FKBP5: variants seen among roughly 807,000 people sequenced by gnomAD.
FKBP5 encodes the protein FKBP prolyl isomerase 5.
In FKBP5, 23 loss-of-function variants were observed where a neutral mutation model predicts 50.5. That is an observed-to-expected ratio of 0.46 (90% CI 0.33 to 0.65). FKBP5 has a LOEUF of 0.65. Among genes scored for constraint, FKBP5 ranks in the 30% least tolerant of loss-of-function variants. The probability of loss-of-function intolerance (pLI) is 0.02; values close to 1 mark genes in which losing one functional copy is unlikely to be tolerated. For missense variants in FKBP5, 411 were observed against 553.1 expected (o/e 0.74, Z 2.58); for synonymous variants, 176 against 190.6 (o/e 0.92, Z 0.63).
intron 3 of FKBP5, among the ~76,000 whole-genome samples, chr6:35,622,131 C>A (rs1289157692): frequency 1.3e-5 from 2 of 152,156 alleles, no homozygotes; most frequent in African/African-American, 4.8e-5. Context: ...GATAGATAAA[C>A]CATTTTTTAT....
At chr6:35,622,820 T>C (rs1326271394) in intron 3 of FKBP5, among the ~76,000 whole-genome samples, 1 of 152,222 alleles carries the variant, frequency 6.6e-6, no homozygotes, top group Non-Finnish European at 1.5e-5. Context: ...TACCTGGATT[T>C]GAATACCAAG....
chr6:35,658,381 CAAAA>C (rs777064065), intron 1 of FKBP5, among the ~76,000 whole-genome samples: 1 of 103,940 alleles, frequency 9.6e-6, no homozygotes, highest in African/African-American at 3.6e-5. Flanking sequence ...GAGACTCCGT[CAAAA>C]AAAAAAAAAA....
At chr6:35,609,960 T>C (rs1163834848) in intron 5 of FKBP5, among the ~76,000 whole-genome samples, 1 of 152,204 alleles carries the variant, frequency 6.6e-6, no homozygotes, top group Non-Finnish European at 1.5e-5. Flanking sequence ...TGCTGCTTTT[T>C]TCGTGATATT....
At chr6:35,608,801 TTTA>T (rs746723343) in intron 5 of FKBP5, among the ~76,000 whole-genome samples, 4 of 151,942 alleles carry the variant, frequency 2.6e-5, no homozygotes, top group African/African-American at 4.8e-5. Flanking sequence ...TTATTATTGT[TTTA>T]TTATTATTAT....
rs374998992 is a variant in FKBP5 at position 35,635,071 on chromosome 6, T to C, written c.250+1943A>G. Among the ~76,000 whole-genome samples the C allele has an allele frequency of 3.2e-3, 472 of 148,780 alleles. 1 individual carries two copies. The highest frequency in any genetic ancestry group is 0.01 in the African/African-American group (411 of 40,002). On this transcript the variant is annotated intron_variant, in intron 3 of 10. Coordinates refer to ENST00000357266, the MANE Select transcript of FKBP5 (RefSeq NM_004117.4). ...AAATTAGGCTGGGCATGGTGGCTCA[T>C]GCCTGTAATCCCAGGTGTTTGGGTG...
At chr6:35,598,608 T>C (rs1315930546) in intron 5 of FKBP5, among the ~76,000 whole-genome samples, 1 of 152,212 alleles carries the variant, frequency 6.6e-6, no homozygotes, top group Non-Finnish European at 1.5e-5. Context: ...AAGTTTTTGA[T>C]GTAATAAGAA....
Position 35,620,195 on chromosome 6 carries a change from T to C in FKBP5, c.330A>G (p.Glu110=). 1 of 1,614,188 alleles carries C rather than the reference T, an allele frequency of 6.2e-7. No homozygotes were observed. The highest frequency in any genetic ancestry group is 8.5e-7 in the Non-Finnish European group (1 of 1,180,008). ...GACTGCCAGCCGAGCCATATGCATA[T>C]TCTGGTTTGCACAGTAAATGGCATA... ...GEICHLLCKP[E]YAYGSAGSLP... Residue 110 remains glutamate, a synonymous_variant, in exon 4 of 11, where the codon GAA becomes GAG. Transcript: ENST00000357266.
At position 35,615,740 on chromosome 6, in the gene FKBP5, T is replaced by TAA. The variant is rs200360048; in HGVS notation, c.508+3354_508+3355dup. ...ATCAACAAATGTCAAAATGAGTGTG[T>TAA]AAAGTTGTGATACAAAACAAGATAG... is the stretch of plus-strand genomic sequence containing the variant. On this transcript the variant is annotated intron_variant, in intron 5 of 10. Transcript: ENST00000357266. Among the ~76,000 whole-genome samples, 737 of 152,294 alleles carry TAA rather than the reference T, an allele frequency of 4.8e-3. 3 individuals carry two copies. Among genetic ancestry groups the TAA allele is most frequent in the Middle Eastern group, 0.027 (8 of 294 alleles).
At chr6:35,723,162 GGC>G (rs1332421016) in intron 1 of FKBP5, among the ~76,000 whole-genome samples, 1 of 152,166 alleles carries the variant, frequency 6.6e-6, no homozygotes, top group Non-Finnish European at 1.5e-5. Context: ...GAATCCGGGA[GGC>G]AGAGGTTGCA....
At chr6:35,597,119 G>A (rs1763003397) in intron 6 of FKBP5, 129 bp downstream of exon 6, 2 of 966,830 alleles carry the variant, frequency 2.1e-6, no homozygotes, top group East Asian at 4.8e-5. Flanking sequence ...ATGACTAACT[G>A]CAGCCTGATT....
chr6:35,713,818 T>C (rs899240446), intron 2 of FKBP5, among the ~76,000 whole-genome samples: 6 of 152,182 alleles, frequency 3.9e-5, no homozygotes, highest in African/African-American at 9.7e-5. Context: ...TCCCCTGCCT[T>C]CTTGCCCCAC....
intron 3 of FKBP5, among the ~76,000 whole-genome samples, chr6:35,635,551 A>C (rs1217782989): frequency 1.3e-5 from 2 of 152,206 alleles, no homozygotes; most frequent in Admixed American, 1.3e-4. Context: ...TAACATCTTA[A>C]AAATTGAGGA....
rs572129691 is a variant in FKBP5 at position 35,630,457 on chromosome 6, G to GA, written c.250+6556dup. On this transcript the variant is annotated intron_variant, in intron 3 of 10. Transcript: ENST00000357266. The stretch of plus-strand genomic sequence containing the variant: ...AGCTACTCAGGAGGCTGAGGCAGGA[G>GA]AATCACTTGAACCCGGGAGGCAGAG... 5.8e-4 allele frequency among the ~76,000 whole-genome samples: 88 copies of GA among 152,292 alleles called. 1 individual carries two copies. In the South Asian group the frequency reaches 6.8e-3, roughly 12 times the overall value.
chr6:35,584,145 C>T (rs1762531055), intron 8 of FKBP5: 1 of 985,324 alleles, frequency 1.0e-6, no homozygotes, highest in Non-Finnish European at 1.2e-6. Context: ...AAAATCGTGT[C>T]TGTTTAACTC....
intron 2 of FKBP5, among the ~76,000 whole-genome samples, chr6:35,703,273 G>A (rs1378229158): frequency 2.0e-5 from 3 of 151,944 alleles, no homozygotes; most frequent in Non-Finnish European, 2.9e-5. Context: ...TTAGCCAGGT[G>A]TGGTAGTGGG....
rs928344594 is a variant in FKBP5 at position 35,651,908 on chromosome 6, G to C, written c.-19-9065C>G. The C allele has an allele frequency of 1.9e-5, 22 of 1,149,978 alleles. No individual in the cohort carries two copies. The African/African-American group carries it at 3.2e-4, about 17-fold the overall frequency. The allele number at this position is 1,149,978 out of a possible 1,614,324, so 71.2% of individuals were successfully genotyped here. A position where few individuals can be genotyped will look rare whatever the true frequency, so the allele number is the denominator to read the frequency against. ...CCTCTTTTGCAACCCAGAACTCATT[G>C]TTCAGTATGAGTTTTGATACATATA... On this transcript the variant is annotated intron_variant, in intron 1 of 10. Transcript: ENST00000357266.
chr6:35,711,191 C>T (rs758721298), intron 2 of FKBP5, among the ~76,000 whole-genome samples: 7 of 151,864 alleles, frequency 4.6e-5, no homozygotes, highest in Non-Finnish European at 4.4e-5. Context: ...GTGGCTCGCA[C>T]CTGTAGTCCC....
intron 2 of FKBP5, among the ~76,000 whole-genome samples, chr6:35,705,213 AATATATAT>A (rs869253345): frequency 0.02 from 1,423 of 71,038 alleles, 19 homozygotes; most frequent in South Asian, 0.033. Flanking sequence ...TATATGTACA[AATATATAT>A]ATATATATAT....
At chr6:35,639,678 C>A (rs1764421714) in intron 2 of FKBP5, among the ~76,000 whole-genome samples, 1 of 152,158 alleles carries the variant, frequency 6.6e-6, no homozygotes, top group Admixed American at 6.5e-5. Context: ...AAATCTATAG[C>A]ATAAAGCCCT....
Sources: allele counts gnomAD v4.1 joint callset (sites outside exome capture counted in the v4.1 genomes callset), GRCh38; gene constraint gnomAD v4.1.1; transcripts MANE v1.5; gene names NCBI Gene and HGNC (gene_info 2026-07-23, HGNC 2026-07-21).